CEP170: variants seen among roughly 807,000 people sequenced by gnomAD.
The protein encoded by CEP170 is centrosomal protein 170.
A neutral mutation model predicts 151.9 loss-of-function variants in CEP170; 21 were observed. The ratio of observed to expected loss-of-function variants is 0.14; its 90% confidence interval spans 0.10 to 0.20. The LOEUF (loss-of-function observed/expected upper bound fraction) is 0.20, where lower values mean the gene tolerates loss of function less well. Among genes scored for constraint, CEP170 ranks in the 10% least tolerant of loss-of-function variants. CEP170 has a pLI of 1.00. For missense variants in CEP170, 964 were observed against 1,892.9 expected, an observed-to-expected ratio of 0.51 and a Z score of 9.11; for synonymous variants, 356 against 648.8, an observed-to-expected ratio of 0.55 and a Z score of 6.86.
intron 13 of CEP170, among the ~76,000 whole-genome samples, chr1:243,159,648 G>A (rs2057876842): frequency 6.6e-6 from 1 of 152,128 alleles, no homozygotes; most frequent in South Asian, 2.1e-4. Context: ...CAGGCCCAGA[G>A]AGGTCTTACC....
chr1:243,146,270 G>C (rs901083764), intron 14 of CEP170, among the ~76,000 whole-genome samples: 3 of 152,168 alleles, frequency 2.0e-5, no homozygotes, highest in African/African-American at 7.2e-5. Context: ...AAAAAAGTAT[G>C]ATTTATAATA....
intron 3 of CEP170, among the ~76,000 whole-genome samples, chr1:243,218,554 G>C (rs1295663947): frequency 6.6e-6 from 1 of 151,988 alleles, no homozygotes; most frequent in Non-Finnish European, 1.5e-5. Flanking sequence ...TAGGTCCCTT[G>C]GGAGTGTATT....
chr1:243,156,305 G>A lies in CEP170; in HGVS notation c.3827C>T (p.Pro1276Leu). 6.3e-7 allele frequency: 1 copy of A among 1,592,316 alleles called. No homozygotes were observed. The highest frequency in any genetic ancestry group is 8.5e-7 in the Non-Finnish European group (1 of 1,169,714). The change falls in exon 14 of 20, where the codon CCT becomes CTT. Residue 1276 changes from proline to leucine, a missense_variant. Physicochemically the swap from Pro to Leu is moderately conservative, Grantham distance 98. Coordinates refer to ENST00000366542, the MANE Select transcript of CEP170 (RefSeq NM_014812.3). Reference sequence around the variant, plus strand: ...CCGGTGTTTGAATGAAGAACTAGTAGGCATTGCTGATCCAGCGCTCTGCAA... The same window carrying A: ...CCGGTGTTTGAATGAAGAACTAGTAAGCATTGCTGATCCAGCGCTCTGCAA... Reference protein sequence around the residue: ...TRLQSAGSAMPTSSSFKHRIK... With the variant: ...TRLQSAGSAMLTSSSFKHRIK...
intron 1 of CEP170, among the ~76,000 whole-genome samples, chr1:243,242,905 G>A (rs753412393): frequency 2.4e-4 from 36 of 152,014 alleles, no homozygotes; most frequent in Non-Finnish European, 4.7e-4. Flanking sequence ...TCTCCATGCT[G>A]GTCAGGCTGG....
At chr1:243,255,693 G>C (rs1049333072), upstream of CEP170, among the ~76,000 whole-genome samples, 62 of 152,364 alleles carry the variant, frequency 4.1e-4, no homozygotes, top group South Asian at 8.3e-4. Flanking sequence ...TGAGTAGCCT[G>C]GGGATCAACT....
chr1:243,140,338 A>G (rs1558392612), intron 15 of CEP170: 1 of 497,554 alleles, frequency 2.0e-6, no homozygotes. Flanking sequence ...TCCAAAATAT[A>G]TAACTATGTT....
chr1:243,248,126 A>G (rs2065596051), intron 1 of CEP170, among the ~76,000 whole-genome samples: 1 of 152,222 alleles, frequency 6.6e-6, no homozygotes, highest in African/African-American at 2.4e-5. Context: ...AACTGTGAAC[A>G]TTCATGTTGA....
At chr1:243,156,182 G>A (rs752779357) in intron 14 of CEP170, 39 bp downstream of exon 14, 64 of 1,546,628 alleles carry the variant, frequency 4.1e-5, no homozygotes, top group South Asian at 3.0e-4. Context: ...AATGTTCATA[G>A]AAATTTTGAA....
At chr1:243,253,931 A>G (rs2066207661) in intron 1 of CEP170, among the ~76,000 whole-genome samples, 1 of 152,222 alleles carries the variant, frequency 6.6e-6, no homozygotes, top group Non-Finnish European at 1.5e-5. Context: ...GGTAACAGAA[A>G]TGTACTGGGC....
intron 7 of CEP170, among the ~76,000 whole-genome samples, chr1:243,196,228 G>A (rs2060638342): frequency 6.6e-6 from 1 of 151,994 alleles, no homozygotes; most frequent in Admixed American, 6.6e-5. Flanking sequence ...GAGTAATGAT[G>A]GCTGAAATAT....
chr1:243,250,210 T>C (rs1170840993), intron 1 of CEP170, among the ~76,000 whole-genome samples: 1 of 152,236 alleles, frequency 6.6e-6, no homozygotes, highest in Admixed American at 6.5e-5. Context: ...TATTTATAAA[T>C]GTGCATGGCT....
chr1:243,228,384 T>A (rs1304524476), intron 1 of CEP170, among the ~76,000 whole-genome samples: 1 of 152,242 alleles, frequency 6.6e-6, no homozygotes, highest in Non-Finnish European at 1.5e-5. Flanking sequence ...CTCAACTTCT[T>A]AATGCAGATG....
At chr1:243,205,442 G>C (rs1436773565) in intron 4 of CEP170, among the ~76,000 whole-genome samples, 2 of 152,166 alleles carry the variant, frequency 1.3e-5, no homozygotes, top group African/African-American at 4.8e-5. Context: ...TGCAGCGGTA[G>C]AGCAAAAGTG....
intron 1 of CEP170, among the ~76,000 whole-genome samples, chr1:243,241,000 C>T (rs751350139): frequency 1.5e-4 from 23 of 151,968 alleles, no homozygotes; most frequent in Admixed American, 6.6e-5. Flanking sequence ...GCCAGAAGCA[C>T]GAATTCAAAC....
intron 12 of CEP170, chr1:243,168,251 C>T (rs1158229685): frequency 6.6e-6 from 1 of 151,976 alleles, no homozygotes; most frequent in Non-Finnish European, 1.5e-5. Flanking sequence ...GTAGCTTCCT[C>T]AAATACTTCT....
chr1:243,205,457 C>A (rs2148867461), intron 4 of CEP170, among the ~76,000 whole-genome samples: 1 of 152,278 alleles, frequency 6.6e-6, no homozygotes, highest in East Asian at 1.9e-4. Context: ...AAAGTGGCCA[C>A]AGAAATATGT....
intron 1 of CEP170, chr1:243,254,467 T>C (rs1361433451): frequency 6.6e-6 from 1 of 152,200 alleles, no homozygotes; most frequent in African/African-American, 2.4e-5. Context: ...GCAGGGTGCA[T>C]GACACCGCGT....
intron 4 of CEP170, among the ~76,000 whole-genome samples, chr1:243,210,813 C>T (rs940816184): frequency 2.9e-4 from 44 of 151,524 alleles, no homozygotes; most frequent in African/African-American, 1.0e-3. Flanking sequence ...TTAGTAGAGA[C>T]GGGGTTTCAC....
rs772671281 is a variant in CEP170 at position 243,165,633 on chromosome 1, C to T, written c.2327G>A (p.Cys776Tyr). The change falls in exon 13 of 20, where the codon TGT becomes TAT. Residue 776 changes from cysteine to tyrosine, a missense_variant. Transcript: ENST00000366542. ...TTCTTGTTTAAAAGTTTCCTCCCTA[C>T]ATTTATCTGTCTGACCTGAAACATT... Reference protein sequence around the residue: ...SKNVSGQTDKCREETFKQESQ... With the variant: ...SKNVSGQTDKYREETFKQESQ... 1.2e-6 allele frequency: 2 copies of T among 1,614,028 alleles called. No homozygotes were observed. The highest frequency in any genetic ancestry group is 3.3e-5 in the Admixed American group (2 of 60,028).
Sources: allele counts gnomAD v4.1 joint callset (sites outside exome capture counted in the v4.1 genomes callset), GRCh38; gene constraint gnomAD v4.1.1; transcripts MANE v1.5; gene names NCBI Gene and HGNC (gene_info 2026-07-23, HGNC 2026-07-21).